Variants in ARHGEF7 observed in about 807,000 individuals in gnomAD.
The protein encoded by ARHGEF7 is Rho guanine nucleotide exchange factor 7.
ARHGEF7 carries 33 observed loss-of-function variants against 109.8 expected under a neutral mutation model. The observed-to-expected ratio is 0.30, with a 90% CI of 0.23 to 0.40. The LOEUF is 0.40. Among genes scored for constraint, ARHGEF7 ranks in the 10% least tolerant of loss-of-function variants. The pLI, the probability that ARHGEF7 is intolerant of heterozygous loss-of-function variation, is 1.00. For synonymous variants in ARHGEF7, 458 were observed against 424.6 expected, an observed-to-expected ratio of 1.08 and a Z score of -0.97; for missense variants, 938 against 1,098.5, an observed-to-expected ratio of 0.85 and a Z score of 2.07.
intron 2 of ARHGEF7, among the ~76,000 whole-genome samples, chr13:111,194,160 C>T (rs144889006): frequency 5.0e-4 from 76 of 152,286 alleles, no homozygotes; most frequent in African/African-American, 1.7e-3. Flanking sequence ...GGTATGCCAC[C>T]GGTTGTGGGG....
intron 19 of ARHGEF7, among the ~76,000 whole-genome samples, chr13:111,296,577 A>G (rs1019853407): frequency 1.3e-5 from 2 of 152,234 alleles, no homozygotes; most frequent in African/African-American, 4.8e-5. Context: ...CCATACGGAA[A>G]TAAGAACCAA....
chr13:111,121,486 A>G (rs2067195418), intron 1 of ARHGEF7, among the ~76,000 whole-genome samples: 1 of 152,218 alleles, frequency 6.6e-6, no homozygotes, highest in Non-Finnish European at 1.5e-5. Flanking sequence ...TAAAATGTAA[A>G]GAGTGGAGGC....
rs2090756938 is a variant in ARHGEF7 at position 111,258,811 on chromosome 13, GA to G, written c.951-8736del. ...GTTTCAGGCCTTGGCTGTTAGACAT[GA>G]TTTCGGGACCTGCTGTGGGCTAGAA... On this transcript the variant is annotated intron_variant, in intron 8 of 21. Coordinates refer to ENST00000646102, the MANE Select transcript of ARHGEF7 (RefSeq NM_001354046.2). The surrounding 1 kb of genome is among the most constrained non-coding windows in gnomAD (Gnocchi z 4.4). 6.6e-6 allele frequency among the ~76,000 whole-genome samples: 1 copy of G among 152,166 alleles called. No homozygotes were observed. The highest frequency in any genetic ancestry group is 1.5e-5 in the Non-Finnish European group (1 of 68,028).
chr13:111,279,431 C>T (rs914670202), intron 13 of ARHGEF7, among the ~76,000 whole-genome samples: 1 of 152,150 alleles, frequency 6.6e-6, no homozygotes, highest in African/African-American at 2.4e-5. Context: ...GCACTGCCAC[C>T]CATTCTCTGT....
chr13:111,147,705 T>TC (rs2075673330), intron 1 of ARHGEF7, among the ~76,000 whole-genome samples: 1 of 144,576 alleles, frequency 6.9e-6, no homozygotes, highest in Admixed American at 6.9e-5. Context: ...TTTTTTTTTT[T>TC]TTTTTTTTTT....
chr13:111,167,134 C>T (rs1438344222), intron 2 of ARHGEF7, among the ~76,000 whole-genome samples: 2 of 152,052 alleles, frequency 1.3e-5, no homozygotes, highest in African/African-American at 4.8e-5. Context: ...TCATTCAGTG[C>T]GAGGGTACTT....
chr13:111,238,104 C>A (rs934703968), intron 6 of ARHGEF7, among the ~76,000 whole-genome samples: 4 of 152,190 alleles, frequency 2.6e-5, no homozygotes, highest in East Asian at 3.8e-4. Flanking sequence ...ACACAGCCAG[C>A]CACTACTCTT....
At chr13:111,291,399 C>T (rs766334204) in intron 18 of ARHGEF7, among the ~76,000 whole-genome samples, 10 of 152,242 alleles carry the variant, frequency 6.6e-5, no homozygotes, top group Non-Finnish European at 1.2e-4. Flanking sequence ...TTGGGGTGGC[C>T]GGTGTTGCCA....
At chr13:111,151,046 G>A (rs2075863473) in intron 1 of ARHGEF7, among the ~76,000 whole-genome samples, 1 of 152,170 alleles carries the variant, frequency 6.6e-6, no homozygotes, top group South Asian at 2.1e-4. Flanking sequence ...AGGGCTCATG[G>A]GTTTTGGGCT....
intron 5 of ARHGEF7, 127 bp downstream of exon 5, chr13:111,218,007 T>C: frequency 1.0e-6 from 1 of 975,790 alleles, no homozygotes; most frequent in East Asian, 2.7e-5. Context: ...TACAGTTTTT[T>C]GTTAGATGTA....
chr13:111,207,388 A>C (rs1257662707), intron 3 of ARHGEF7, among the ~76,000 whole-genome samples: 1 of 152,172 alleles, frequency 6.6e-6, no homozygotes, highest in South Asian at 2.1e-4. Flanking sequence ...GGCTTGTCTT[A>C]AACTCCTGAG....
In ARHGEF7 at chr13:111,266,549, T is replaced by A. The variant is rs552614806; in HGVS notation, c.951-999T>A. Reference sequence around the variant, plus strand: ...TTTCTCCTTTGCTCCTTCATTCCCCTTTTTTTAGGCAAATGTATTTGTCCT... The same window carrying A: ...TTTCTCCTTTGCTCCTTCATTCCCCATTTTTTAGGCAAATGTATTTGTCCT... On this transcript the variant is annotated intron_variant, in intron 8 of 21. Transcript: ENST00000646102. The surrounding 1 kb of genome is among the most constrained non-coding windows in gnomAD (Gnocchi z 4.8). Among the ~76,000 whole-genome samples the A allele has an allele frequency of 3.9e-5, 6 of 152,220 alleles. No homozygotes were observed. The East Asian group carries it at 1.2e-3, about 29-fold the overall frequency.
At position 111,286,136 on chromosome 13, in the gene ARHGEF7, T is replaced by A. The variant is rs74126786; in HGVS notation, c.1951-11T>A. On this transcript the variant is annotated splice_polypyrimidine_tract_variant and intron_variant, in intron 16 of 21. Coordinates refer to ENST00000646102, the MANE Select transcript of ARHGEF7 (RefSeq NM_001354046.2). Reference sequence around the variant, plus strand: ...TAGAGTATGTTAGCATTTTCTTTTGTCTTTCCCTAGGATCTTAGTAAGAGC... The same window carrying A: ...TAGAGTATGTTAGCATTTTCTTTTGACTTTCCCTAGGATCTTAGTAAGAGC... 0.029 allele frequency: 46,073 copies of A among 1,607,222 alleles called. 2,097 individuals are homozygous for A. Among genetic ancestry groups the A allele is most frequent in the Admixed American group, 0.19 (11,559 of 59,950 alleles).
rs569648763 is a variant in ARHGEF7, at chr13:111,239,839, C to T, written c.760-4033C>T. Reference sequence around the variant, plus strand: ...GGTAGGCACTAGTGGAATGCTGACACGGAGAGGAGCTCAGTGTTTGGGAGG... The same window carrying T: ...GGTAGGCACTAGTGGAATGCTGACATGGAGAGGAGCTCAGTGTTTGGGAGG... On this transcript the variant is annotated intron_variant, in intron 6 of 21. Transcript: ENST00000646102. The surrounding 1 kb of genome is among the most constrained non-coding windows in gnomAD (Gnocchi z 4.3). 2.0e-5 allele frequency among the ~76,000 whole-genome samples: 3 copies of T among 152,152 alleles called. No homozygotes were observed. Among genetic ancestry groups the T allele is most frequent in the Admixed American group, 1.3e-4 (2 of 15,294 alleles).
intron 8 of ARHGEF7, among the ~76,000 whole-genome samples, chr13:111,254,624 G>A (rs1469657427): frequency 2.1e-5 from 3 of 141,688 alleles, no homozygotes; most frequent in South Asian, 2.4e-4. Context: ...AGTCGCTAAC[G>A]TGAAGGCCGG....
chr13:111,223,327 A>G (rs1322780779), intron 5 of ARHGEF7, among the ~76,000 whole-genome samples: 1 of 152,242 alleles, frequency 6.6e-6, no homozygotes, highest in East Asian at 1.9e-4. Flanking sequence ...TTCCAAACTT[A>G]GAGACTTCTC....
intron 5 of ARHGEF7, among the ~76,000 whole-genome samples, chr13:111,220,537 T>C (rs758221279): frequency 3.3e-5 from 5 of 152,112 alleles, no homozygotes; most frequent in Non-Finnish European, 7.4e-5. Context: ...CAAAATCCTC[T>C]CCAGTTGGAA....
At chr13:111,288,584 G>T in intron 18 of ARHGEF7, 141 bp downstream of exon 18, 1 of 505,494 alleles carries the variant, frequency 2.0e-6, no homozygotes. Flanking sequence ...TCAGTCAGGG[G>T]TGGCAGGCAG....
intron 1 of ARHGEF7, among the ~76,000 whole-genome samples, chr13:111,134,192 T>C (rs1369487340): frequency 6.6e-6 from 1 of 152,124 alleles, no homozygotes. Context: ...CAGTCTATCA[T>C]TGTTGGATAT....
Sources: gnomAD v4.1 joint callset for allele counts (sites outside exome capture counted in the v4.1 genomes callset) on GRCh38, gnomAD v4.1.1 for gene constraint, Gnocchi (gnomAD v3.1) non-coding constraint, MANE v1.5 for transcripts, NCBI Gene and HGNC (gene_info 2026-07-23, HGNC 2026-07-21) for gene names.